Variants in ERGIC1 observed in about 807,000 individuals in gnomAD.
The protein encoded by ERGIC1 is endoplasmic reticulum-golgi intermediate compartment 1, also known as endoplasmic reticulum-Golgi intermediate compartment protein 1.
A neutral mutation model predicts 38.3 loss-of-function variants in ERGIC1; 19 were observed. That is an observed-to-expected ratio of 0.50 (90% CI 0.35 to 0.73). The LOEUF (loss-of-function observed/expected upper bound fraction) is 0.73, where lower values mean the gene tolerates loss of function less well. Ranked by LOEUF, ERGIC1 falls within the 30% of genes least tolerant of loss-of-function variation. The pLI is 0.01. For synonymous variants in ERGIC1, 124 were observed against 157.6 expected, an observed-to-expected ratio of 0.79 and a Z score of 1.60; for missense variants, 294 against 389.2, an observed-to-expected ratio of 0.76 and a Z score of 2.06.
chr5:172,910,207 A>C (rs1263961168), intron 4 of ERGIC1, among the ~76,000 whole-genome samples: 1 of 152,176 alleles, frequency 6.6e-6, no homozygotes, highest in Admixed American at 6.5e-5. Context: ...CATTTGTCAC[A>C]CCCAATAGCA....
chr5:172,891,339 C>T (rs959040357), intron 2 of ERGIC1, among the ~76,000 whole-genome samples: 12 of 152,210 alleles, frequency 7.9e-5, no homozygotes. Flanking sequence ...CCACCAGTGG[C>T]TCCATCCTCT....
chr5:172,896,082 C>A (rs1462088093), intron 2 of ERGIC1, among the ~76,000 whole-genome samples: 1 of 152,152 alleles, frequency 6.6e-6, no homozygotes, highest in East Asian at 1.9e-4. Flanking sequence ...GTGGCTCACA[C>A]CTGTAATCCC....
intron 3 of ERGIC1, among the ~76,000 whole-genome samples, chr5:172,897,290 G>A (rs1032409461): frequency 2.6e-5 from 4 of 152,060 alleles, no homozygotes; most frequent in Non-Finnish European, 5.9e-5. Context: ...TTAGCTGGGC[G>A]TGGTGGCGGG....
chr5:172,834,487 GC>G lies in ERGIC1; in HGVS notation c.20+58del. On this transcript the variant is annotated intron_variant, in intron 1 of 9. Coordinates refer to ENST00000393784, the MANE Select transcript of ERGIC1 (RefSeq NM_001031711.3). The surrounding 1 kb of genome is among the most constrained non-coding windows in gnomAD (Gnocchi z 4.1). ...AGTTCCCTCAGCGGGCAGAGGGAGC[GC>G]CCCGGCACGCCGCGGACCCCTCCCG... The G allele has an allele frequency of 7.9e-7, 1 of 1,271,198 alleles. No homozygotes were observed. The highest frequency in any genetic ancestry group is 9.9e-7 in the Non-Finnish European group (1 of 1,005,670). 78.7% of individuals were successfully genotyped at this position (1,271,198 alleles called of 1,614,324 possible).
chr5:172,896,602 G>A (rs1207370714), intron 2 of ERGIC1, among the ~76,000 whole-genome samples: 1 of 152,234 alleles, frequency 6.6e-6, no homozygotes, highest in Non-Finnish European at 1.5e-5. Flanking sequence ...CAGAATGCTG[G>A]CCTTTTATGT....
At chr5:172,934,756 G>A (rs555018780) in intron 8 of ERGIC1, 1 of 246,290 alleles carries the variant, frequency 4.1e-6, no homozygotes, top group Admixed American at 4.6e-5. Context: ...CTGGGTAAAG[G>A]GCAGGACTTG....
chr5:172,904,730 C>T (rs566357806), intron 3 of ERGIC1, among the ~76,000 whole-genome samples: 2 of 152,154 alleles, frequency 1.3e-5, no homozygotes, highest in East Asian at 1.9e-4. Context: ...GAGCTCGTGG[C>T]GCTGGCTGGG....
intron 3 of ERGIC1, among the ~76,000 whole-genome samples, chr5:172,907,785 C>G (rs1379647987): frequency 6.6e-5 from 10 of 152,172 alleles, no homozygotes; most frequent in Non-Finnish European, 8.8e-5. Flanking sequence ...TGGCCCCCTG[C>G]AGCTTTCTGT....
At chr5:172,944,831 G>A (rs1358449841) in intron 9 of ERGIC1, among the ~76,000 whole-genome samples, 1 of 152,194 alleles carries the variant, frequency 6.6e-6, no homozygotes, top group Non-Finnish European at 1.5e-5. Flanking sequence ...GTGGAGAGGG[G>A]CACCTGCTGC....
intron 1 of ERGIC1, among the ~76,000 whole-genome samples, chr5:172,870,639 C>G (rs943033557): frequency 6.6e-6 from 1 of 152,226 alleles, no homozygotes; most frequent in African/African-American, 2.4e-5. Flanking sequence ...GGGCTTTCCT[C>G]AAAGCAGGGG....
chr5:172,932,602 G>A (rs1763803528), intron 8 of ERGIC1, 66 bp downstream of exon 8: 1 of 1,502,948 alleles, frequency 6.7e-7, no homozygotes, highest in Admixed American at 1.8e-5. Flanking sequence ...GAGCAGAGAT[G>A]ACAGGCGGCT....
chr5:172,887,178 A>G (rs921557840), intron 1 of ERGIC1, among the ~76,000 whole-genome samples: 1 of 152,146 alleles, frequency 6.6e-6, no homozygotes, highest in Non-Finnish European at 1.5e-5. Context: ...TTAGCTGGGC[A>G]TACTCTTGTT....
intron 1 of ERGIC1, among the ~76,000 whole-genome samples, chr5:172,875,773 G>A (rs1284255084): frequency 6.6e-6 from 1 of 152,088 alleles, no homozygotes; most frequent in African/African-American, 2.4e-5. Context: ...TTAATATTTT[G>A]TGGAGACGGG....
Position 172,942,816 on chromosome 5 carries a change from G to A in ERGIC1, c.765+7506G>A, listed in dbSNP as rs368806809. 3.4e-4 allele frequency among the ~76,000 whole-genome samples: 52 copies of A among 152,328 alleles called. 2 individuals carry two copies. The highest frequency in any genetic ancestry group is 1.2e-3 in the African/African-American group (49 of 41,576). On this transcript the variant is annotated intron_variant, in intron 9 of 9. Coordinates refer to ENST00000393784, the MANE Select transcript of ERGIC1 (RefSeq NM_001031711.3). The stretch of plus-strand genomic sequence containing the variant: ...CGAGTGGGCTCCATTTTGCACACCA[G>A]GCTGGTTTTTATAGTTGCAGAGCTT...
chr5:172,893,716 A>G (rs1175064843), intron 2 of ERGIC1, among the ~76,000 whole-genome samples: 1 of 151,286 alleles, frequency 6.6e-6, no homozygotes, highest in African/African-American at 2.4e-5. Flanking sequence ...AGCTGGAGAA[A>G]ACAATTTGAA....
At chr5:172,860,119 C>G (rs530395058) in intron 1 of ERGIC1, among the ~76,000 whole-genome samples, 3 of 147,984 alleles carry the variant, frequency 2.0e-5, no homozygotes, top group African/African-American at 7.4e-5. Flanking sequence ...AGCATTGATT[C>G]AGTGCCAGGG....
chr5:172,894,132 CTTTTTT>C (rs781661227), intron 2 of ERGIC1, among the ~76,000 whole-genome samples: 9 of 10,488 alleles, frequency 8.6e-4, no homozygotes, highest in African/African-American at 2.1e-3. Context: ...GCTGATGATA[CTTTTTT>C]TTTTTTTTTT....
intron 1 of ERGIC1, among the ~76,000 whole-genome samples, chr5:172,861,698 T>C (rs1761704211): frequency 6.6e-6 from 1 of 152,174 alleles, no homozygotes; most frequent in African/African-American, 2.4e-5. Context: ...TCAGCCCAAG[T>C]GTGAATTACT....
intron 1 of ERGIC1, among the ~76,000 whole-genome samples, chr5:172,886,062 TC>T (rs1416462493): frequency 6.6e-6 from 1 of 151,840 alleles, no homozygotes; most frequent in Non-Finnish European, 1.5e-5. Flanking sequence ...CCATTCCCTC[TC>T]CCCACCCCTA....
Sources: allele counts gnomAD v4.1 joint callset (sites outside exome capture counted in the v4.1 genomes callset), GRCh38; gene constraint gnomAD v4.1.1; non-coding constraint Gnocchi (gnomAD v3.1); transcripts MANE v1.5; gene names NCBI Gene and HGNC (gene_info 2026-07-23, HGNC 2026-07-21).